Variants in MAGI1 observed in about 807,000 individuals in gnomAD.
MAGI1 encodes the protein membrane associated guanylate kinase, WW and PDZ domain containing 1, also known as membrane-associated guanylate kinase, WW and PDZ domain-containing protein 1.
In MAGI1, 58 loss-of-function variants were observed where a neutral mutation model predicts 139.9. The ratio of observed to expected loss-of-function variants is 0.41; its 90% CI spans 0.34 to 0.52. MAGI1 has a LOEUF of 0.52. MAGI1 is among the 20% of genes least tolerant of loss of function. The pLI, the probability that MAGI1 is intolerant of heterozygous loss-of-function variation, is 0.12. For missense variants in MAGI1, 1,874 were observed against 1,901.6 expected (o/e 0.99, Z 0.27); for synonymous variants, 812 against 737.9 (o/e 1.10, Z -1.63).
chr3:65,456,331 G>A (rs767582225), intron 5 of MAGI1, among the ~76,000 whole-genome samples: 10 of 151,348 alleles, frequency 6.6e-5, no homozygotes, highest in Non-Finnish European at 1.2e-4. Context: ...TGAAATGTCT[G>A]TCCCTCTGTC....
chr3:65,722,189 A>C (rs2033110208), intron 1 of MAGI1, among the ~76,000 whole-genome samples: 1 of 152,212 alleles, frequency 6.6e-6, no homozygotes, highest in Admixed American at 6.5e-5. Flanking sequence ...TTTGAATATC[A>C]GGAAACTAAA....
intron 1 of MAGI1, among the ~76,000 whole-genome samples, chr3:65,825,107 G>C (rs1385734673): frequency 6.6e-6 from 1 of 152,178 alleles, no homozygotes. Flanking sequence ...AAGCATATTG[G>C]TCTGAGATGT....
At chr3:65,669,540 C>T (rs190024435) in intron 1 of MAGI1, among the ~76,000 whole-genome samples, 50 of 152,360 alleles carry the variant, frequency 3.3e-4, no homozygotes, top group African/African-American at 1.2e-3. Flanking sequence ...GTTGTCAAGA[C>T]CTTTGCTCTC....
At chr3:65,854,292 C>T (rs1302535249) in intron 1 of MAGI1, among the ~76,000 whole-genome samples, 1 of 151,472 alleles carries the variant, frequency 6.6e-6, no homozygotes, top group Non-Finnish European at 1.5e-5. Flanking sequence ...AAATTTAAGA[C>T]AAAACACAAC....
chr3:65,567,222 T>A (rs2080704074), intron 2 of MAGI1, among the ~76,000 whole-genome samples: 1 of 151,644 alleles, frequency 6.6e-6, no homozygotes, highest in Admixed American at 6.6e-5. Context: ...TTAATTAAAA[T>A]CTTGTGAATG....
At chr3:65,903,433 C>G (rs2061317863) in intron 1 of MAGI1, among the ~76,000 whole-genome samples, 1 of 152,074 alleles carries the variant, frequency 6.6e-6, no homozygotes, top group Non-Finnish European at 1.5e-5. Context: ...ATTTAAAAAA[C>G]CAGGATAACA....
intron 1 of MAGI1, among the ~76,000 whole-genome samples, chr3:65,769,018 A>C (rs986944838): frequency 7.2e-5 from 11 of 152,164 alleles, no homozygotes; most frequent in Non-Finnish European, 7.3e-5. Context: ...CCTCTTGGTA[A>C]CTTAAATAGA....
intron 22 of MAGI1, among the ~76,000 whole-genome samples, chr3:65,357,746 A>G (rs533094547): frequency 2.6e-5 from 4 of 152,266 alleles, no homozygotes; most frequent in African/African-American, 9.6e-5. Flanking sequence ...TACCATATGC[A>G]GAAGTATACT....
In MAGI1 at chr3:66,038,237, G is replaced by C. The variant is rs745938049; in HGVS notation, c.72C>G (p.Pro24=). ...GCACCGTCACCCCCAGCTCGCCCTG[G>C]GGTCCCCGCTTCACGGTGCATTCGT... ...RVHECTVKRG[P]QGELGVTVLG... Residue 24 remains proline, a synonymous_variant, in exon 1 of 23, where the codon CCC becomes CCG. Coordinates refer to ENST00000402939, the MANE Select transcript of MAGI1 (RefSeq NM_001033057.2). 1 of 1,611,578 alleles carries C rather than the reference G, an allele frequency of 6.2e-7. No homozygotes were observed. The highest frequency in any genetic ancestry group is 1.1e-5 in the South Asian group (1 of 90,930).
At chr3:65,365,076 T>C in intron 18 of MAGI1, 130 bp from the exon 19 acceptor site, 1 of 814,514 alleles carries the variant, frequency 1.2e-6, no homozygotes. Context: ...GCAGTCTGAC[T>C]TGAATTTCTA....
At chr3:65,474,036 AAGG>A (rs1291533003) in intron 4 of MAGI1, among the ~76,000 whole-genome samples, 1 of 152,068 alleles carries the variant, frequency 6.6e-6, no homozygotes, top group Non-Finnish European at 1.5e-5. Context: ...GAGGCTGAGG[AAGG>A]AGGAGTGCTT....
At chr3:65,572,635 A>C (rs187187056) in intron 2 of MAGI1, among the ~76,000 whole-genome samples, 28 of 152,168 alleles carry the variant, frequency 1.8e-4, no homozygotes, top group African/African-American at 6.5e-4. Context: ...CTCTGATCCT[A>C]TAAGTAGAAG....
intron 12 of MAGI1, among the ~76,000 whole-genome samples, chr3:65,428,853 T>C (rs1947264239): frequency 6.6e-6 from 1 of 152,260 alleles, no homozygotes; most frequent in South Asian, 2.1e-4. Flanking sequence ...GGAGAAGCCC[T>C]CTCTCATAAG....
At chr3:65,987,480 T>A (rs945323550) in intron 1 of MAGI1, among the ~76,000 whole-genome samples, 2 of 152,182 alleles carry the variant, frequency 1.3e-5, no homozygotes, top group Non-Finnish European at 2.9e-5. Flanking sequence ...GGGTAGGAAC[T>A]AGGGTGAGGC....
intron 2 of MAGI1, among the ~76,000 whole-genome samples, chr3:65,527,375 T>C (rs1428097691): frequency 1.3e-5 from 2 of 151,116 alleles, no homozygotes; most frequent in African/African-American, 2.4e-5. Context: ...AGGTTAGGAG[T>C]TGGAGACCAA....
At chr3:65,670,829 G>A (rs1004107759) in intron 1 of MAGI1, among the ~76,000 whole-genome samples, 4 of 151,938 alleles carry the variant, frequency 2.6e-5, no homozygotes, top group Non-Finnish European at 5.9e-5. Flanking sequence ...AATAGCCAAG[G>A]TAAACAGGCA....
intron 1 of MAGI1, among the ~76,000 whole-genome samples, chr3:65,951,293 T>C (rs376293884): frequency 5.3e-5 from 8 of 152,196 alleles, no homozygotes; most frequent in South Asian, 2.1e-4. Flanking sequence ...GGCTGAAGAA[T>C]TGAATTTCTC....
chr3:65,401,501 G>C, intron 12 of MAGI1, 31 bp from the exon 13 acceptor site: 1 of 1,609,164 alleles, frequency 6.2e-7, no homozygotes, highest in Non-Finnish European at 8.5e-7. Flanking sequence ...AGGGGAGGGG[G>C]GAAGAAATCA....
rs190511896 is a variant in MAGI1, at chr3:65,705,380, C to T, written c.314-83292G>A. ...TTAAATACAGAGTATCTTAGTAAGC[C>T]CTCAAGAGGAGCAATACCAACAATA... On this transcript the variant is annotated intron_variant, in intron 1 of 22. Coordinates refer to ENST00000402939, the MANE Select transcript of MAGI1 (RefSeq NM_001033057.2). Among the ~76,000 whole-genome samples the T allele has an allele frequency of 2.0e-3, 299 of 152,168 alleles. 2 individuals carry two copies. Among genetic ancestry groups the T allele is most frequent in the African/African-American group, 7.0e-3 (289 of 41,516 alleles).
Sources: allele counts gnomAD v4.1 joint callset (sites outside exome capture counted in the v4.1 genomes callset), GRCh38; gene constraint gnomAD v4.1.1; transcripts MANE v1.5; gene names NCBI Gene and HGNC (gene_info 2026-07-23, HGNC 2026-07-21).